Variants in DIS3L2 observed in about 807,000 individuals in gnomAD.
The protein encoded by DIS3L2 is DIS3 like 3'-5' exoribonuclease 2, also known as DIS3-like exonuclease 2.
In DIS3L2, 34 loss-of-function variants were observed where a neutral mutation model predicts 97.5. That is an observed-to-expected ratio of 0.35 (90% confidence interval 0.27 to 0.46). DIS3L2 has a LOEUF of 0.46. Among genes scored for constraint, DIS3L2 ranks in the 20% least tolerant of loss-of-function variants. DIS3L2 has a pLI of 1.00. For missense variants in DIS3L2, 1,038 were observed against 1,146.0 expected, an observed-to-expected ratio of 0.91 and a Z score of 1.36; for synonymous variants, 435 against 445.2, an observed-to-expected ratio of 0.98 and a Z score of 0.29.
chr2:232,288,766 T>G (rs774553180), intron 13 of DIS3L2, among the ~76,000 whole-genome samples: 3 of 152,280 alleles, frequency 2.0e-5, no homozygotes, highest in African/African-American at 2.4e-5. Flanking sequence ...GGTCATTGTT[T>G]CATCAGTCTG....
At chr2:232,272,277 G>A (rs538762851) in intron 13 of DIS3L2, among the ~76,000 whole-genome samples, 20 of 152,234 alleles carry the variant, frequency 1.3e-4, no homozygotes, top group Non-Finnish European at 4.4e-5. Flanking sequence ...ACTGCTCACA[G>A]TTCTGTGAAG....
chr2:232,234,460 C>T (rs948259979), intron 10 of DIS3L2, among the ~76,000 whole-genome samples: 49 of 152,326 alleles, frequency 3.2e-4, no homozygotes, highest in African/African-American at 1.1e-3. Flanking sequence ...AGTGATTCTC[C>T]TGCCTCAGCC....
intron 7 of DIS3L2, among the ~76,000 whole-genome samples, chr2:232,132,843 G>A (rs1188658984): frequency 2.6e-5 from 4 of 152,014 alleles, no homozygotes; most frequent in African/African-American, 7.3e-5. Flanking sequence ...TGTTTCTGTG[G>A]GACTGCGACT....
At chr2:232,226,258 TAGTC>T (rs1384495127) in intron 10 of DIS3L2, among the ~76,000 whole-genome samples, 1 of 152,220 alleles carries the variant, frequency 6.6e-6, no homozygotes. Flanking sequence ...TTGTTAATCA[TAGTC>T]AGCCTTAGGA....
chr2:232,204,871 A>G (rs1691987164), intron 9 of DIS3L2, among the ~76,000 whole-genome samples: 1 of 152,188 alleles, frequency 6.6e-6, no homozygotes, highest in Non-Finnish European at 1.5e-5. Flanking sequence ...CTCATGCAGC[A>G]CATCGTGGCA....
chr2:232,271,559 A>T (rs116340589), intron 13 of DIS3L2, among the ~76,000 whole-genome samples: 3,162 of 152,330 alleles, frequency 0.021, 102 homozygotes, highest in African/African-American at 0.071. Context: ...AGAGTCAGCG[A>T]GGCTTGAAGA....
At position 232,015,641 on chromosome 2, in the gene DIS3L2, A is replaced by G. The variant is rs1574812848; in HGVS notation, c.180A>G (p.Ser60=). The G allele has an allele frequency of 6.2e-7, 1 of 1,614,012 alleles. No individual in the cohort carries two copies. Among genetic ancestry groups the G allele is most frequent in the Non-Finnish European group, 8.5e-7 (1 of 1,179,914 alleles). Residue 60 remains serine, a synonymous_variant, in exon 3 of 21, where the codon TCA becomes TCG. Coordinates refer to ENST00000325385, the MANE Select transcript of DIS3L2 (RefSeq NM_152383.5). ...FETYMSKEDV[S]EGLKRGTLIQ... ...CTTACATGTCCAAGGAGGATGTTTCAGAAGGCTTGAAGAGAGGAACACTCA... is the reference window on the plus strand; with the variant it reads ...CTTACATGTCCAAGGAGGATGTTTCGGAAGGCTTGAAGAGAGGAACACTCA...
chr2:232,161,605 G>T (rs927848533), intron 8 of DIS3L2, among the ~76,000 whole-genome samples: 1 of 152,078 alleles, frequency 6.6e-6, no homozygotes, highest in East Asian at 1.9e-4. Context: ...CGAATAGCTG[G>T]AATTACAGGT....
chr2:232,304,525 G>A (rs779205207), intron 14 of DIS3L2, among the ~76,000 whole-genome samples: 30 of 152,190 alleles, frequency 2.0e-4, no homozygotes, highest in Non-Finnish European at 3.4e-4. Context: ...GAATGCTTCC[G>A]ACTTTGGAGT....
At chr2:232,223,089 T>A (rs1692548104) in intron 10 of DIS3L2, among the ~76,000 whole-genome samples, 1 of 152,232 alleles carries the variant, frequency 6.6e-6, no homozygotes, top group Admixed American at 6.5e-5. Context: ...TTTGGACTGT[T>A]GTGTGTTCAT....
intron 6 of DIS3L2, among the ~76,000 whole-genome samples, chr2:232,096,331 C>T (rs1000060297): frequency 5.3e-5 from 8 of 152,036 alleles, no homozygotes; most frequent in African/African-American, 7.2e-5. Context: ...CGTGATCTGC[C>T]CACCTCGGCC....
intron 13 of DIS3L2, among the ~76,000 whole-genome samples, chr2:232,270,879 TCTC>T: frequency 7.9e-6 from 1 of 125,960 alleles, no homozygotes; most frequent in Non-Finnish European, 1.7e-5. Flanking sequence ...TCTCTCTCTC[TCTC>T]TCTCTCTCTC....
intron 9 of DIS3L2, among the ~76,000 whole-genome samples, chr2:232,197,112 A>C (rs1356221608): frequency 1.3e-5 from 2 of 152,172 alleles, no homozygotes; most frequent in African/African-American, 4.8e-5. Flanking sequence ...AAAGGATGAG[A>C]AAAGAAATAC....
chr2:232,190,405 G>A (rs965073784), intron 9 of DIS3L2, among the ~76,000 whole-genome samples: 3 of 152,164 alleles, frequency 2.0e-5, no homozygotes, highest in Non-Finnish European at 4.4e-5. Context: ...TGGGGGATAT[G>A]CCTACGTGGT....
At chr2:232,305,326 A>G (rs961605224) in intron 14 of DIS3L2, among the ~76,000 whole-genome samples, 5 of 151,900 alleles carry the variant, frequency 3.3e-5, no homozygotes, top group Non-Finnish European at 7.4e-5. Context: ...GATCTGCCCA[A>G]CTCAGCCTCC....
chr2:232,083,605 T>C (rs922074911), intron 5 of DIS3L2, among the ~76,000 whole-genome samples: 1 of 151,852 alleles, frequency 6.6e-6, no homozygotes, highest in East Asian at 1.9e-4. Flanking sequence ...AGTGATTCTC[T>C]TGCCTCAGCC....
intron 5 of DIS3L2, among the ~76,000 whole-genome samples, chr2:232,086,314 T>C (rs1574863023): frequency 1.3e-5 from 2 of 148,688 alleles, no homozygotes; most frequent in East Asian, 2.0e-4. Flanking sequence ...CATATGTATA[T>C]GTATATGCAT....
intron 10 of DIS3L2, among the ~76,000 whole-genome samples, chr2:232,214,147 G>T (rs1383913692): frequency 6.6e-6 from 1 of 152,148 alleles, no homozygotes; most frequent in African/African-American, 2.4e-5. Context: ...ACAGTAAATC[G>T]TGTGCCTCAG....
intron 1 of DIS3L2, among the ~76,000 whole-genome samples, chr2:232,011,363 T>A (rs1407481689): frequency 6.6e-6 from 1 of 152,072 alleles, no homozygotes; most frequent in African/African-American, 2.4e-5. Context: ...CTTTCTTTTT[T>A]TTTTTTTGAG....
Sources: gnomAD v4.1 joint callset for allele counts (sites outside exome capture counted in the v4.1 genomes callset) on GRCh38, gnomAD v4.1.1 for gene constraint, MANE v1.5 for transcripts, NCBI Gene and HGNC (gene_info 2026-07-23, HGNC 2026-07-21) for gene names.